NCOR2: variants seen among roughly 807,000 people sequenced by gnomAD.
NCOR2 encodes the protein CTG repeat protein 26.
NCOR2 carries 81 observed loss-of-function variants against 262.9 expected under a neutral mutation model. That is an observed-to-expected ratio of 0.31 (90% CI 0.26 to 0.37). The LOEUF is 0.37. NCOR2 is among the 10% of genes least tolerant of loss of function. The pLI, the probability that NCOR2 is intolerant of heterozygous loss-of-function variation, is 1.00. For synonymous variants in NCOR2, 1,659 were observed against 1,559.3 expected, an observed-to-expected ratio of 1.06 and a Z score of -1.51; for missense variants, 3,385 against 3,621.4, an observed-to-expected ratio of 0.93 and a Z score of 1.68.
In NCOR2 at chr12:124,389,353, C is replaced by T. The variant is rs986356537; in HGVS notation, c.1877-3466G>A. On this transcript the variant is annotated intron_variant, in intron 16 of 46. Transcript: ENST00000405201. This position sits in a 1 kb window ranked among gnomAD's most constrained non-coding sequence, Gnocchi z 4.4. ...GTGACCTCCAGACGGAGGCTCGCGG[C>T]GGGCGGGCAGGCGGGCGGGGGAGCG... Among the ~76,000 whole-genome samples the T allele has an allele frequency of 2.0e-5, 3 of 151,880 alleles. No homozygotes were observed. The highest frequency in any genetic ancestry group is 1.3e-4 in the Admixed American group (2 of 15,262).
At chr12:124,456,304 T>C (rs975808888) in intron 6 of NCOR2, among the ~76,000 whole-genome samples, 23 of 152,182 alleles carry the variant, frequency 1.5e-4, no homozygotes, top group African/African-American at 5.5e-4. Context: ...ACCACGGCCA[T>C]CCATGCTGAC....
chr12:124,333,455 T>A (rs1046441341), intron 41 of NCOR2, among the ~76,000 whole-genome samples, 176 bp from the exon 44 acceptor site: 1 of 152,190 alleles, frequency 6.6e-6, no homozygotes. Flanking sequence ...CATTTTTATT[T>A]TTTTTTTAAA....
rs1214477729 is a variant in NCOR2, at chr12:124,503,552, AATGG to A, written c.-117-8188_-117-8185del. On this transcript the variant is annotated intron_variant, in intron 1 of 46. Transcript: ENST00000404621. This position sits in a 1 kb window ranked among gnomAD's most constrained non-coding sequence, Gnocchi z 4.3. Reference sequence around the variant, plus strand: ...AGATGAATGGATGGATGGATGGACGAATGGATGGATGGATAGATGGAAGACGGAC... The same window carrying A: ...AGATGAATGGATGGATGGATGGACGAATGGATGGATAGATGGAAGACGGAC... 2.2e-5 allele frequency among the ~76,000 whole-genome samples: 3 copies of A among 138,000 alleles called. No individual in the cohort carries two copies. Among genetic ancestry groups the A allele is most frequent in the Admixed American group, 7.1e-5 (1 of 14,004 alleles). The allele number at this position is 138,000 out of a possible 152,430, so 90.5% of individuals were successfully genotyped here.
chr12:124,413,480 G>A (rs1434215677), intron 13 of NCOR2, among the ~76,000 whole-genome samples: 1 of 152,210 alleles, frequency 6.6e-6, no homozygotes, highest in East Asian at 1.9e-4. Flanking sequence ...TGGGGGGTCT[G>A]TGGGGCGAGC....
intron 22 of NCOR2, among the ~76,000 whole-genome samples, chr12:124,358,641 C>A (rs1197397486): frequency 6.6e-6 from 1 of 152,206 alleles, no homozygotes; most frequent in Non-Finnish European, 1.5e-5. Context: ...CACCAATGGG[C>A]TCATCTGAGT....
At chr12:124,348,005 C>A (rs1053872454) in intron 29 of NCOR2, 94 bp from the exon 32 acceptor site, 7 of 1,463,418 alleles carry the variant, frequency 4.8e-6, no homozygotes, top group Admixed American at 2.0e-5. Flanking sequence ...CAGTGGTCAT[C>A]CCCACGATGA....
In NCOR2 at chr12:124,378,165, G is replaced by A. The variant is rs969218840; in HGVS notation, c.2167+72C>T. ...AGGGGAGAGGAGGCTGCCGGGATCA[G>A]TTCCCGCTATGCCCTCCCTCAGAGC... On this transcript the variant is annotated intron_variant, in intron 18 of 46. Coordinates refer to ENST00000405201, the Ensembl canonical transcript of NCOR2. This position sits in a 1 kb window ranked among gnomAD's most constrained non-coding sequence, Gnocchi z 4.2. 8 of 1,566,004 alleles carry A rather than the reference G, an allele frequency of 5.1e-6. No homozygotes were observed. In the African/African-American group the frequency reaches 8.1e-5, roughly 16 times the overall value.
At chr12:124,339,219 A>ACCAACCCCCCCCCCC (rs1566363037) in intron 37 of NCOR2, among the ~76,000 whole-genome samples, 1 of 63,314 alleles carries the variant, frequency 1.6e-5, no homozygotes, top group Non-Finnish European at 2.9e-5. Context: ...TCTACCTACC[A>ACCAACCCCCCCCCCC]CCCACCCACC....
chr12:124,508,840 G>A (rs892221634), intron 1 of NCOR2, among the ~76,000 whole-genome samples: 2 of 152,212 alleles, frequency 1.3e-5, no homozygotes, highest in Admixed American at 1.3e-4. Context: ...CGTGGTCACT[G>A]GACGCCACAA....
chr12:124,527,354 T>C (rs2050531657), intron 1 of NCOR2, among the ~76,000 whole-genome samples: 1 of 152,210 alleles, frequency 6.6e-6, no homozygotes, highest in African/African-American at 2.4e-5. Flanking sequence ...AGTTTCCTCA[T>C]ATGTAAAGAG....
At chr12:124,449,698 G>T in intron 7 of NCOR2, 117 bp downstream of exon 9, 1 of 1,282,044 alleles carries the variant, frequency 7.8e-7, no homozygotes, top group Non-Finnish European at 1.1e-6. Flanking sequence ...ACCTGGCCCT[G>T]GCCGGGAGCC....
Position 124,517,100 on chromosome 12 carries a change from G to A in NCOR2, c.-118+18465C>T, listed in dbSNP as rs1312798285. Among the ~76,000 whole-genome samples, 1 of 152,054 alleles carries A rather than the reference G, an allele frequency of 6.6e-6. No individual in the cohort carries two copies. Among genetic ancestry groups the A allele is most frequent in the African/African-American group, 2.4e-5 (1 of 41,394 alleles). On this transcript the variant is annotated intron_variant, in intron 1 of 46. Transcript: ENST00000404621. The surrounding 1 kb of genome is among the most constrained non-coding windows in gnomAD (Gnocchi z 7.6). The stretch of plus-strand genomic sequence containing the variant: ...TCCTTCTCCCGTCAGTCCCATGCTT[G>A]TGTAGACCCCACTGTGCCCCATTTT...
chr12:124,458,792 G>A (rs1485167377), intron 5 of NCOR2, among the ~76,000 whole-genome samples: 1 of 152,192 alleles, frequency 6.6e-6, no homozygotes, highest in Non-Finnish European at 1.5e-5. Context: ...CCCTAGGCTT[G>A]GGACTAGTAT....
chr12:124,442,543 T>G (rs1275475948), intron 7 of NCOR2, among the ~76,000 whole-genome samples: 1 of 152,226 alleles, frequency 6.6e-6, no homozygotes, highest in Admixed American at 6.5e-5. Context: ...GCAACTCTTC[T>G]GTTGCACAAC....
chr12:124,428,552 T>C (rs2043728286), intron 10 of NCOR2, among the ~76,000 whole-genome samples: 1 of 151,696 alleles, frequency 6.6e-6, no homozygotes, highest in Admixed American at 6.6e-5. Context: ...GCCCCTTCCA[T>C]CTGTCTAATC....
Position 124,504,369 on chromosome 12 carries a change from T to TAAA in NCOR2, c.-117-9004_-117-9002dup, listed in dbSNP as rs2048934997. 6.6e-6 allele frequency among the ~76,000 whole-genome samples: 1 copy of TAAA among 152,094 alleles called. No individual in the cohort carries two copies. Among genetic ancestry groups the TAAA allele is most frequent in the Non-Finnish European group, 1.5e-5 (1 of 68,036 alleles). ...GCTAAGCCCCAGAGACCAGCTCTTA[T>TAAA]AAAGAGGGATTTCACAGGAAATTTG... On this transcript the variant is annotated intron_variant, in intron 1 of 46. Coordinates refer to the NCOR2 transcript ENST00000404621. The surrounding 1 kb of genome is among the most constrained non-coding windows in gnomAD (Gnocchi z 4.5).
intron 11 of NCOR2, 45 bp downstream of exon 13, chr12:124,426,577 G>C: frequency 2.6e-6 from 4 of 1,521,036 alleles, no homozygotes; most frequent in Non-Finnish European, 3.6e-6. Flanking sequence ...TCAACAGGAT[G>C]GGGGTGGGGG....
chr12:124,374,466 G>T lies in NCOR2; in HGVS notation c.2168-3C>A, dbSNP rs1174370580. ...CTCATTCCCAGAGGCATGTAAGGCT[G>T]GAAGGAAGTCAGAGAAGAGTTAGAA... On this transcript the variant is annotated splice_polypyrimidine_tract_variant and splice_region_variant and intron_variant, in intron 18 of 46. Coordinates refer to ENST00000405201, the Ensembl canonical transcript of NCOR2. 1 of 1,612,058 alleles carries T rather than the reference G, an allele frequency of 6.2e-7. No homozygotes were observed. Among genetic ancestry groups the T allele is most frequent in the African/African-American group, 1.3e-5 (1 of 74,908 alleles).
intron 20 of NCOR2, among the ~76,000 whole-genome samples, chr12:124,368,710 C>G (rs966802735): frequency 2.6e-5 from 4 of 152,200 alleles, no homozygotes; most frequent in Non-Finnish European, 5.9e-5. Flanking sequence ...GTCACCTCCC[C>G]AGAGGCCCTC....
Sources: gnomAD v4.1 joint callset for allele counts (sites outside exome capture counted in the v4.1 genomes callset) on GRCh38, gnomAD v4.1.1 for gene constraint, Gnocchi (gnomAD v3.1) non-coding constraint, MANE v1.5 for transcripts, NCBI Gene and HGNC (gene_info 2026-07-23, HGNC 2026-07-21) for gene names.